Variants in PXDNL observed in about 807,000 individuals in gnomAD.
The protein encoded by PXDNL is probable oxidoreductase PXDNL.
In PXDNL, 145 loss-of-function variants were observed where a neutral mutation model predicts 150.8. The observed-to-expected ratio is 0.96, with a 90% confidence interval of 0.84 to 1.10. The LOEUF (loss-of-function observed/expected upper bound fraction) is 1.10, where lower values mean the gene tolerates loss of function less well. Ranked by LOEUF, PXDNL falls within the 50% of genes least tolerant of loss-of-function variation. PXDNL has a pLI of 0.00. For synonymous variants in PXDNL, 757 were observed against 725.7 expected (o/e 1.04, Z -0.69); for missense variants, 2,087 against 1,873.9 (o/e 1.11, Z -2.10).
intron 17 of PXDNL, among the ~76,000 whole-genome samples, chr8:51,388,158 A>G (rs185242642): frequency 9.9e-4 from 150 of 152,230 alleles, no homozygotes; most frequent in East Asian, 5.8e-4. Context: ...ATTAAAAGTA[A>G]TTTTTCAATG....
intron 21 of PXDNL, among the ~76,000 whole-genome samples, chr8:51,328,066 T>C (rs375439792): frequency 1.5e-4 from 23 of 152,312 alleles, no homozygotes; most frequent in East Asian, 1.2e-3. Flanking sequence ...CTCCATAATG[T>C]GGGTGGGCCT....
chr8:51,349,901 A>T lies in PXDNL; in HGVS notation c.3902-3954T>A, dbSNP rs557418366. Among the ~76,000 whole-genome samples the T allele has an allele frequency of 4.3e-4, 66 of 152,234 alleles. 1 individual carries two copies. The highest frequency in any genetic ancestry group is 6.8e-3 in the Middle Eastern group (2 of 294). Reference sequence around the variant, plus strand: ...GATTTTTATTTTCAACACTTTCAACACCTCTTATTTGCTTGCAAAAAGGGG... The same window carrying T: ...GATTTTTATTTTCAACACTTTCAACTCCTCTTATTTGCTTGCAAAAAGGGG... On this transcript the variant is annotated intron_variant, in intron 19 of 22. Coordinates refer to ENST00000356297, the MANE Select transcript of PXDNL (RefSeq NM_144651.5).
At chr8:51,743,180 G>A (rs2036925286) in intron 1 of PXDNL, among the ~76,000 whole-genome samples, 1 of 152,126 alleles carries the variant, frequency 6.6e-6, no homozygotes, top group Admixed American at 6.5e-5. Context: ...AGCCAAGATG[G>A]AATGAAGGAG....
rs146884320 is a variant in PXDNL at position 51,697,038 on chromosome 8, T to A, written c.165-42278A>T. On this transcript the variant is annotated intron_variant, in intron 1 of 22. Transcript: ENST00000356297. The stretch of plus-strand genomic sequence containing the variant: ...GGAGAAATAGGCCAGGCACAGTGGC[T>A]CACACCTGTAATCCCAACACTTTGG... Among the ~76,000 whole-genome samples, 43 of 152,304 alleles carry A rather than the reference T, an allele frequency of 2.8e-4. No homozygotes were observed. In the East Asian group the frequency reaches 7.5e-3, roughly 27 times the overall value.
At chr8:51,796,557 T>G (rs897208526) in intron 1 of PXDNL, among the ~76,000 whole-genome samples, 8 of 151,974 alleles carry the variant, frequency 5.3e-5, no homozygotes, top group African/African-American at 1.7e-4. Flanking sequence ...TCTATGCAAA[T>G]AAACTAGAAA....
chr8:51,381,799 C>T (rs1807556960), intron 17 of PXDNL, among the ~76,000 whole-genome samples: 1 of 151,262 alleles, frequency 6.6e-6, no homozygotes, highest in African/African-American at 2.4e-5. Context: ...ACTATAGGCA[C>T]CCGTCCCCAC....
intron 2 of PXDNL, among the ~76,000 whole-genome samples, chr8:51,641,453 T>C (rs1221932854): frequency 1.3e-5 from 2 of 151,746 alleles, no homozygotes; most frequent in Non-Finnish European, 2.9e-5. Flanking sequence ...GCAACCTACT[T>C]ATCTGACAAA....
chr8:51,418,314 T>G (rs1431546280), intron 14 of PXDNL, among the ~76,000 whole-genome samples: 1 of 152,212 alleles, frequency 6.6e-6, no homozygotes, highest in East Asian at 1.9e-4. Flanking sequence ...CTTAATTAGT[T>G]TGTAAACTAA....
chr8:51,461,653 T>C (rs1371521431), intron 8 of PXDNL, among the ~76,000 whole-genome samples: 1 of 152,200 alleles, frequency 6.6e-6, no homozygotes, highest in Non-Finnish European at 1.5e-5. Context: ...AGTGGGCCCC[T>C]AGGGAGCTGC....
chr8:51,451,016 A>C (rs1036893266), intron 10 of PXDNL, among the ~76,000 whole-genome samples: 2 of 152,144 alleles, frequency 1.3e-5, no homozygotes, highest in East Asian at 3.8e-4. Flanking sequence ...GAGCTATATA[A>C]CAAAAGATGG....
At chr8:51,544,479 C>A (rs893051339) in intron 4 of PXDNL, among the ~76,000 whole-genome samples, 4 of 152,168 alleles carry the variant, frequency 2.6e-5, no homozygotes, top group African/African-American at 9.7e-5. Context: ...CTTAAAGTAA[C>A]ATTTTTGTTT....
chr8:51,470,307 C>A (rs1327821593), intron 8 of PXDNL, among the ~76,000 whole-genome samples: 1 of 151,940 alleles, frequency 6.6e-6, no homozygotes, highest in Non-Finnish European at 1.5e-5. Context: ...ACTTACTAGA[C>A]TTTTTACAAG....
intron 2 of PXDNL, among the ~76,000 whole-genome samples, chr8:51,652,053 C>T (rs1342840708): frequency 6.6e-6 from 1 of 152,068 alleles, no homozygotes; most frequent in Non-Finnish European, 1.5e-5. Flanking sequence ...AATATAGAAG[C>T]AATGTGGTTG....
intron 1 of PXDNL, among the ~76,000 whole-genome samples, chr8:51,664,566 A>G (rs1015258398): frequency 1.3e-5 from 2 of 152,208 alleles, no homozygotes; most frequent in Non-Finnish European, 2.9e-5. Flanking sequence ...GCATGAAGAC[A>G]GAAAATGATG....
At chr8:51,379,512 C>CT (rs1324621307) in intron 17 of PXDNL, among the ~76,000 whole-genome samples, 1 of 151,532 alleles carries the variant, frequency 6.6e-6, no homozygotes, top group Non-Finnish European at 1.5e-5. Flanking sequence ...ACTTTTTACC[C>CT]TTTTTTAATT....
intron 17 of PXDNL, among the ~76,000 whole-genome samples, chr8:51,379,774 T>C (rs1049495385): frequency 6.6e-6 from 1 of 152,174 alleles, no homozygotes; most frequent in African/African-American, 2.4e-5. Context: ...TTTTGTGAAG[T>C]TAAAATTTTG....
At chr8:51,433,313 G>T (rs1391901470) in intron 12 of PXDNL, among the ~76,000 whole-genome samples, 4 of 150,748 alleles carry the variant, frequency 2.7e-5, no homozygotes, top group African/African-American at 9.7e-5. Context: ...CTAAAAAAAG[G>T]GTTTTTTTGT....
intron 18 of PXDNL, among the ~76,000 whole-genome samples, chr8:51,373,442 C>T (rs1429327675): frequency 6.6e-6 from 1 of 152,178 alleles, no homozygotes; most frequent in Non-Finnish European, 1.5e-5. Context: ...AACCCCCAAA[C>T]TGAAGGTTTT....
chr8:51,719,639 T>TAA (rs1192424526), intron 1 of PXDNL, among the ~76,000 whole-genome samples: 4 of 134,374 alleles, frequency 3.0e-5, no homozygotes, highest in Admixed American at 7.5e-5. Flanking sequence ...ATGATCAATT[T>TAA]AAAAAAAAAA....
Sources: gnomAD v4.1 joint callset for allele counts (sites outside exome capture counted in the v4.1 genomes callset) on GRCh38, gnomAD v4.1.1 for gene constraint, MANE v1.5 for transcripts, NCBI Gene and HGNC (gene_info 2026-07-23, HGNC 2026-07-21) for gene names.